RALGPS2: variants seen among roughly 807,000 people sequenced by gnomAD.
RALGPS2 encodes the protein ras-specific guanine nucleotide-releasing factor RalGPS2.
A neutral mutation model predicts 86.8 loss-of-function variants in RALGPS2; 43 were observed. That is an observed-to-expected ratio of 0.50 (90% CI 0.39 to 0.64). RALGPS2 has a LOEUF of 0.64. RALGPS2 is among the 30% of genes least tolerant of loss of function. The probability of loss-of-function intolerance (pLI) is 0.00; values close to 1 mark genes in which losing one functional copy is unlikely to be tolerated. For synonymous variants in RALGPS2, 243 were observed against 231.3 expected (o/e 1.05, Z -0.46); for missense variants, 536 against 694.6 (o/e 0.77, Z 2.57).
intron 15 of RALGPS2, 54 bp from the exon 16 acceptor site, chr1:178,893,865 T>G (rs1331942193): frequency 8.6e-7 from 1 of 1,162,314 alleles, no homozygotes; most frequent in African/African-American, 1.6e-5. Flanking sequence ...AAGTACCTAC[T>G]TGATGACTAT....
At chr1:178,806,527 A>G (rs928782486) in intron 4 of RALGPS2, among the ~76,000 whole-genome samples, 3 of 152,068 alleles carry the variant, frequency 2.0e-5, no homozygotes, top group Non-Finnish European at 4.4e-5. Flanking sequence ...TTTTACTCCT[A>G]TCATTAACTT....
At chr1:178,851,228 A>G (rs1312038094) in intron 8 of RALGPS2, 1 of 1,613,996 alleles carries the variant, frequency 6.2e-7, no homozygotes, top group Non-Finnish European at 8.5e-7. Context: ...TGCTTCTGTA[A>G]TGGCCTCCTC....
chr1:178,871,891 A>G (rs1233486479), intron 8 of RALGPS2, among the ~76,000 whole-genome samples: 5 of 152,244 alleles, frequency 3.3e-5, no homozygotes, highest in Admixed American at 6.5e-5. Context: ...TTCTTCTGCT[A>G]TGAAATAAGG....
At chr1:178,871,960 AG>A (rs1480680622) in intron 8 of RALGPS2, among the ~76,000 whole-genome samples, 1 of 152,230 alleles carries the variant, frequency 6.6e-6, no homozygotes, top group Non-Finnish European at 1.5e-5. Flanking sequence ...CATTAATTGA[AG>A]AAATGTTAAA....
At chr1:178,782,918 A>G (rs895641657) in intron 2 of RALGPS2, among the ~76,000 whole-genome samples, 6 of 152,310 alleles carry the variant, frequency 3.9e-5, no homozygotes, top group Admixed American at 1.3e-4. Context: ...CTGAGTTCCT[A>G]TTACCCAATA....
intron 19 of RALGPS2, among the ~76,000 whole-genome samples, chr1:178,908,723 G>A (rs1660490496): frequency 6.6e-6 from 1 of 152,154 alleles, no homozygotes; most frequent in Non-Finnish European, 1.5e-5. Context: ...CTCTTGAGAA[G>A]TGTCTGTTCA....
chr1:178,784,759 C>A (rs1319181288), intron 3 of RALGPS2, among the ~76,000 whole-genome samples: 1 of 151,848 alleles, frequency 6.6e-6, no homozygotes, highest in Non-Finnish European at 1.5e-5. Flanking sequence ...TGGTAAGTAG[C>A]AATATGTATT....
rs543753560 is a variant in RALGPS2 at position 178,766,812 on chromosome 1, T to A, written c.-83-9870T>A. Among the ~76,000 whole-genome samples the A allele has an allele frequency of 6.1e-3, 923 of 152,334 alleles. 9 individuals carry two copies. The highest frequency in any genetic ancestry group is 0.021 in the African/African-American group (882 of 41,580). On this transcript the variant is annotated intron_variant, in intron 1 of 19. Transcript: ENST00000367635. ...GGCCTCTTTAGTGAGGTTGAGGAAATGTTCATGGATAATATCTTGAAATGT... is the reference window on the plus strand; with the variant it reads ...GGCCTCTTTAGTGAGGTTGAGGAAAAGTTCATGGATAATATCTTGAAATGT...
At chr1:178,907,622 A>G (rs76210896) in intron 19 of RALGPS2, among the ~76,000 whole-genome samples, 6,267 of 152,320 alleles carry the variant, frequency 0.041, 176 homozygotes, top group African/African-American at 0.073. Flanking sequence ...ACACATAGCC[A>G]CATTTATAGA....
At chr1:178,852,480 G>T (rs1481966116) in intron 8 of RALGPS2, among the ~76,000 whole-genome samples, 1 of 152,018 alleles carries the variant, frequency 6.6e-6, no homozygotes, top group African/African-American at 2.4e-5. Context: ...CCAGAACTTT[G>T]TTTTTCACAT....
At chr1:178,833,894 C>T (rs1439869148) in intron 8 of RALGPS2, among the ~76,000 whole-genome samples, 1 of 152,016 alleles carries the variant, frequency 6.6e-6, no homozygotes, top group Non-Finnish European at 1.5e-5. Context: ...GATCAAAGTC[C>T]TTATATAGTG....
intron 4 of RALGPS2, among the ~76,000 whole-genome samples, chr1:178,786,399 A>G (rs1415911943): frequency 2.0e-5 from 3 of 152,090 alleles, no homozygotes. Flanking sequence ...TGACTTAATA[A>G]TATGACTGCG....
At chr1:178,802,751 T>C (rs186501670) in intron 4 of RALGPS2, among the ~76,000 whole-genome samples, 6 of 152,328 alleles carry the variant, frequency 3.9e-5, no homozygotes, top group Admixed American at 3.3e-4. Context: ...TATGGCAGCA[T>C]GTAAGGTCTG....
At chr1:178,906,548 A>G (rs1360306409) in intron 18 of RALGPS2, among the ~76,000 whole-genome samples, 3 of 152,176 alleles carry the variant, frequency 2.0e-5, no homozygotes, top group African/African-American at 7.2e-5. Flanking sequence ...CATAAGCAGC[A>G]AAAGTGACTT....
intron 4 of RALGPS2, among the ~76,000 whole-genome samples, chr1:178,785,822 C>A (rs1653624269): frequency 6.6e-6 from 1 of 151,996 alleles, no homozygotes; most frequent in Admixed American, 6.6e-5. Flanking sequence ...GACATCTGAA[C>A]AAAGCGGAGG....
chr1:178,779,346 A>G (rs1170450899), intron 2 of RALGPS2, among the ~76,000 whole-genome samples: 2 of 152,110 alleles, frequency 1.3e-5, no homozygotes, highest in Non-Finnish European at 2.9e-5. Context: ...TCTGGCTTCT[A>G]TATTTCTTAT....
At chr1:178,793,626 A>G (rs1654060507) in intron 4 of RALGPS2, among the ~76,000 whole-genome samples, 1 of 152,130 alleles carries the variant, frequency 6.6e-6, no homozygotes, top group Admixed American at 6.6e-5. Context: ...TTTCGAGAAT[A>G]TAAATTCCAT....
chr1:178,742,852 T>C (rs1344753590), intron 1 of RALGPS2, among the ~76,000 whole-genome samples: 2 of 152,220 alleles, frequency 1.3e-5, no homozygotes, highest in Non-Finnish European at 2.9e-5. Flanking sequence ...AAATAATTTA[T>C]GGTTCAAGGA....
intron 6 of RALGPS2, among the ~76,000 whole-genome samples, chr1:178,817,480 T>G (rs188450858): frequency 1.6e-3 from 247 of 152,334 alleles, no homozygotes; most frequent in African/African-American, 5.5e-3. Flanking sequence ...TTCCTTTGAT[T>G]TATTTGTCTA....
Sources: gnomAD v4.1 joint callset for allele counts (sites outside exome capture counted in the v4.1 genomes callset) on GRCh38, gnomAD v4.1.1 for gene constraint, MANE v1.5 for transcripts, NCBI Gene and HGNC (gene_info 2026-07-23, HGNC 2026-07-21) for gene names.